The following PRIMPOL variants were observed in gnomAD, a reference collection of about 807,000 sequenced individuals.
PRIMPOL encodes the protein DNA-directed primase/polymerase protein.
PRIMPOL carries 54 observed loss-of-function variants against 63.6 expected under a neutral mutation model. The ratio of observed to expected loss-of-function variants is 0.85; its 90% CI spans 0.68 to 1.07. PRIMPOL has a LOEUF of 1.07. Among genes scored for constraint, PRIMPOL ranks in the 50% least tolerant of loss-of-function variants. The pLI, the probability that PRIMPOL is intolerant of heterozygous loss-of-function variation, is 0.00. For missense variants in PRIMPOL, 610 were observed against 648.3 expected, an observed-to-expected ratio of 0.94 and a Z score of 0.64; for synonymous variants, 197 against 220.2, an observed-to-expected ratio of 0.89 and a Z score of 0.93.
At chr4:184,682,585 C>A (rs530576875) in intron 9 of PRIMPOL, among the ~76,000 whole-genome samples, 1 of 152,070 alleles carries the variant, frequency 6.6e-6, no homozygotes, top group Non-Finnish European at 1.5e-5. Context: ...TGGGCTCAAA[C>A]GATCTGTCTG....
intron 1 of PRIMPOL, among the ~76,000 whole-genome samples, chr4:184,651,571 G>T (rs2705881): frequency 2.0e-5 from 3 of 152,190 alleles, no homozygotes; most frequent in Middle Eastern, 3.4e-3. Flanking sequence ...CCCTTCCTGT[G>T]CTAAACTTTC....
chr4:184,665,502 C>CT (rs780043138), intron 5 of PRIMPOL, among the ~76,000 whole-genome samples: 6,815 of 133,826 alleles, frequency 0.051, 628 homozygotes, highest in African/African-American at 0.17. Context: ...GAATTAATGA[C>CT]TTTTTTTTTT....
intron 2 of PRIMPOL, among the ~76,000 whole-genome samples, chr4:184,656,436 C>A (rs1379072859): frequency 1.3e-5 from 2 of 151,980 alleles, no homozygotes; most frequent in African/African-American, 4.8e-5. Flanking sequence ...GAATTATAAT[C>A]CCAAATTGGA....
chr4:184,670,399 T>C (rs1751250699), intron 6 of PRIMPOL, among the ~76,000 whole-genome samples: 1 of 152,220 alleles, frequency 6.6e-6, no homozygotes, highest in Non-Finnish European at 1.5e-5. Flanking sequence ...TGATTTCTTT[T>C]CACTTGGTGT....
intron 3 of PRIMPOL, among the ~76,000 whole-genome samples, chr4:184,658,084 T>G (rs75476040): frequency 0.17 from 19,260 of 110,478 alleles, 1,299 homozygotes; most frequent in African/African-American, 0.23. Flanking sequence ...TTTTTTTTTT[T>G]GGGGCACTGT....
rs73873012 is a variant in PRIMPOL, at chr4:184,653,980, A to G, written c.-60+1880A>G. ...CTCAACCCAGCTGTTAAAATTTTCAAGCTGTGCAGATATGAAGGGGGCATG... is the reference window on the plus strand; with the variant it reads ...CTCAACCCAGCTGTTAAAATTTTCAGGCTGTGCAGATATGAAGGGGGCATG... On this transcript the variant is annotated intron_variant, in intron 2 of 13. Transcript: ENST00000314970. Among the ~76,000 whole-genome samples the G allele has an allele frequency of 8.2e-3, 1,254 of 152,282 alleles. 19 individuals carry two copies. The highest frequency in any genetic ancestry group is 0.029 in the African/African-American group (1,188 of 41,542).
chr4:184,690,901 A>G (rs1316697349), intron 11 of PRIMPOL, among the ~76,000 whole-genome samples: 2 of 152,074 alleles, frequency 1.3e-5, no homozygotes, highest in Non-Finnish European at 2.9e-5. Flanking sequence ...AGTTGTTCTT[A>G]ATTTCCAAAT....
chr4:184,694,479 A>T, intron 13 of PRIMPOL, 43 bp from the exon 14 acceptor site: 1 of 1,585,916 alleles, frequency 6.3e-7, no homozygotes, highest in Non-Finnish European at 8.6e-7. Context: ...CTGAGTAAAT[A>T]TTTTCCTATC....
chr4:184,685,263 C>G, intron 9 of PRIMPOL, 146 bp from the exon 10 acceptor site: 1 of 628,906 alleles, frequency 1.6e-6, no homozygotes, highest in South Asian at 1.9e-5. Context: ...CTTGTAGTGT[C>G]ACAAACATGA....
At chr4:184,654,453 G>GTTTTTTTTTTTT (rs1553985960) in intron 2 of PRIMPOL, among the ~76,000 whole-genome samples, 1 of 33,552 alleles carries the variant, frequency 3.0e-5, no homozygotes, top group East Asian at 2.9e-3. Flanking sequence ...AGTTAAAGCA[G>GTTTTTTTTTTTT]TTTTTTTTTT....
At chr4:184,684,311 C>T (rs1756430098) in intron 9 of PRIMPOL, among the ~76,000 whole-genome samples, 1 of 152,088 alleles carries the variant, frequency 6.6e-6, no homozygotes, top group Non-Finnish European at 1.5e-5. Flanking sequence ...CAAAAATTAG[C>T]AAGGCGTGGT....
At position 184,682,265 on chromosome 4, in the gene PRIMPOL, G is replaced by A. The variant is rs370921024; in HGVS notation, c.1025G>A (p.Arg342Gln). The A allele has an allele frequency of 6.3e-6, 10 of 1,592,512 alleles. No homozygotes were observed. In the African/African-American group the frequency reaches 6.7e-5, roughly 11 times the overall value. The change falls in exon 9 of 14, where the codon CGA becomes CAA. Residue 342 changes from arginine to glutamine, a missense_variant. Arg to Gln is a conservative substitution (Grantham distance 43). This residue lies in a region of PRIMPOL where 444 missense variants were observed against 456.4 expected (regional missense o/e 0.97). Coordinates refer to ENST00000314970, the MANE Select transcript of PRIMPOL (RefSeq NM_152683.4). ...VSNVRFSDTL[R>Q]ILTCEPSQNK... ...TTCTTCAGGTTCTCAGATACTTTACGAATTCTTACATGTGAGCCATCTCAG... is the reference window on the plus strand; with the variant it reads ...TTCTTCAGGTTCTCAGATACTTTACAAATTCTTACATGTGAGCCATCTCAG...
intron 7 of PRIMPOL, among the ~76,000 whole-genome samples, chr4:184,673,428 CTCTT>C (rs1316245793): frequency 4.8e-5 from 2 of 41,878 alleles, no homozygotes; most frequent in Non-Finnish European, 9.7e-5. Flanking sequence ...TGCGCCCAGC[CTCTT>C]TTTTTTTTTT....
chr4:184,691,660 A>C lies in PRIMPOL; in HGVS notation c.1379-6A>C, dbSNP rs1327953929. The C allele has an allele frequency of 6.2e-7, 1 of 1,611,894 alleles. No homozygotes were observed. The highest frequency in any genetic ancestry group is 8.5e-7 in the Non-Finnish European group (1 of 1,178,232). On this transcript the variant is annotated splice_region_variant and splice_polypyrimidine_tract_variant and intron_variant, in intron 12 of 13. Coordinates refer to ENST00000314970, the MANE Select transcript of PRIMPOL (RefSeq NM_152683.4). ...ATGTAATAGTTTTGCTATCTTTCTGATTCAGGTTTCCCATTACCTGCTGAA... is the reference window on the plus strand; with the variant it reads ...ATGTAATAGTTTTGCTATCTTTCTGCTTCAGGTTTCCCATTACCTGCTGAA...
intron 5 of PRIMPOL, 111 bp downstream of exon 5, chr4:184,662,014 C>A: frequency 2.2e-6 from 2 of 903,538 alleles, no homozygotes; most frequent in African/African-American, 1.7e-5. Flanking sequence ...CTTTTTCTTG[C>A]TACTCTTCCT....
intron 2 of PRIMPOL, 127 bp from the exon 3 acceptor site, chr4:184,656,955 G>T: frequency 2.2e-6 from 1 of 464,684 alleles, no homozygotes. Context: ...CTCTCATTCT[G>T]TGGTAAAACT....
At chr4:184,674,073 G>A (rs1270697967) in intron 7 of PRIMPOL, among the ~76,000 whole-genome samples, 2 of 152,138 alleles carry the variant, frequency 1.3e-5, no homozygotes, top group African/African-American at 2.4e-5. Context: ...AGCGGCAGTG[G>A]CCAGTACCCG....
chr4:184,656,176 G>A (rs2150031333), intron 2 of PRIMPOL, among the ~76,000 whole-genome samples: 1 of 152,166 alleles, frequency 6.6e-6, no homozygotes, highest in South Asian at 2.1e-4. Context: ...GCAATCTCAG[G>A]GCAGGACTCT....
At chr4:184,658,623 C>T (rs989825256) in intron 3 of PRIMPOL, among the ~76,000 whole-genome samples, 9 of 151,860 alleles carry the variant, frequency 5.9e-5, no homozygotes, top group Non-Finnish European at 1.2e-4. Context: ...AAAATGGTTC[C>T]GGCTGGGTGC....
Sources: allele counts gnomAD v4.1 joint callset (sites outside exome capture counted in the v4.1 genomes callset), GRCh38; gene constraint gnomAD v4.1.1; regional missense constraint gnomAD v4.1.1; transcripts MANE v1.5; gene names NCBI Gene and HGNC (gene_info 2026-07-23, HGNC 2026-07-21).